Variants in FAT3 observed in about 807,000 individuals in gnomAD.
FAT3 encodes protocadherin Fat 3.
In FAT3, 95 loss-of-function variants were observed where a neutral mutation model predicts 310.2. The ratio of observed to expected loss-of-function variants is 0.31; its 90% CI spans 0.26 to 0.36. The LOEUF is 0.36. Ranked by LOEUF, FAT3 falls within the 10% of genes least tolerant of loss-of-function variation. The pLI is 1.00. For missense variants in FAT3, 5,408 were observed against 5,715.6 expected (o/e 0.95, Z 1.74); for synonymous variants, 2,314 against 2,192.9 (o/e 1.06, Z -1.54).
intron 2 of FAT3, among the ~76,000 whole-genome samples, chr11:92,370,234 C>T (rs1017949340): frequency 1.3e-5 from 2 of 152,098 alleles, no homozygotes; most frequent in Non-Finnish European, 2.9e-5. Context: ...CCATAATTTC[C>T]ATCCCTGTGG....
At chr11:92,566,557 CA>C (rs1452392104) in intron 3 of FAT3, among the ~76,000 whole-genome samples, 4 of 151,882 alleles carry the variant, frequency 2.6e-5, no homozygotes, top group South Asian at 4.2e-4. Flanking sequence ...CATATGGAAC[CA>C]AAAAAGAGCC....
rs376868441 is a variant in FAT3, at chr11:92,831,710, G to A, written c.9570G>A (p.Glu3190=). Residue 3190 remains glutamate (E), a synonymous_variant, in exon 14 of 28, where the codon GAG becomes GAA. Coordinates refer to ENST00000525166, the MANE Select transcript of FAT3 (RefSeq NM_001367949.2). ...IDSSSGIIIL[E]QPLDREQQSS... is the part of the protein sequence containing the mutation. ...GCTCATCTGGCATCATCATCCTGGA[G>A]CAGCCACTGGACCGTGAGCAGCAGT... The A allele has an allele frequency of 9.3e-6, 15 of 1,612,862 alleles. No homozygotes were observed. The African/African-American group carries it at 1.1e-4, about 11-fold the overall frequency.
At position 92,792,888 on chromosome 11, in the gene FAT3, C is replaced by T. The variant is rs750594228; in HGVS notation, c.4733C>T (p.Ser1578Phe). ...NPLYEASVFE[S>F]AALGSAVLQV... ...CTGTATGAAGCGTCTGTGTTTGAAT[C>T]TGCTGCTCTGGGATCAGCTGTTCTG... Residue 1578 changes from serine to phenylalanine, a missense_variant, in exon 9 of 28, where the codon TCT (serine) becomes TTT (phenylalanine). Ser to Phe is a radical substitution (Grantham distance 155). Around this residue, in one of 5 missense-constraint regions of FAT3, gnomAD observed 4,588 missense variants for 4,809.8 expected, o/e 0.95. Transcript: ENST00000525166. The T allele has an allele frequency of 3.1e-6, 5 of 1,613,850 alleles. No homozygotes were observed. The highest frequency in any genetic ancestry group is 4.2e-6 in the Non-Finnish European group (5 of 1,179,802).
chr11:92,605,331 T>C (rs569447228), intron 3 of FAT3, among the ~76,000 whole-genome samples: 1 of 152,328 alleles, frequency 6.6e-6, no homozygotes, highest in East Asian at 1.9e-4. Flanking sequence ...TCACCCTGGA[T>C]GACGATCCTT....
intron 7 of FAT3, among the ~76,000 whole-genome samples, chr11:92,780,076 C>G (rs1358586384): frequency 1.3e-5 from 2 of 152,018 alleles, no homozygotes; most frequent in Non-Finnish European, 2.9e-5. Context: ...CCATGCCAAC[C>G]CTTGATTTCG....
At chr11:92,817,310 A>G (rs971321596) in intron 13 of FAT3, among the ~76,000 whole-genome samples, 1 of 152,230 alleles carries the variant, frequency 6.6e-6, no homozygotes, top group Non-Finnish European at 1.5e-5. Context: ...AGTGGTCCCA[A>G]TCAGTAAATT....
At chr11:92,435,775 C>T (rs1049971055) in intron 2 of FAT3, among the ~76,000 whole-genome samples, 30 of 151,946 alleles carry the variant, frequency 2.0e-4, no homozygotes, top group Non-Finnish European at 2.9e-5. Flanking sequence ...CTGTGTTGGC[C>T]AAGCTGGTCT....
chr11:92,756,985 C>T (rs529805024), intron 4 of FAT3, among the ~76,000 whole-genome samples: 7 of 135,546 alleles, frequency 5.2e-5, no homozygotes, highest in Middle Eastern at 4.4e-3. Context: ...AGTGCAGTGG[C>T]GCGATCTCAG....
chr11:92,410,902 G>A (rs889181082), intron 2 of FAT3, among the ~76,000 whole-genome samples: 1 of 151,240 alleles, frequency 6.6e-6, no homozygotes, highest in African/African-American at 2.4e-5. Flanking sequence ...AACCTTATGG[G>A]GTGGAAATTT....
At chr11:92,668,013 C>T (rs1565498894) in intron 3 of FAT3, among the ~76,000 whole-genome samples, 1 of 152,180 alleles carries the variant, frequency 6.6e-6, no homozygotes, top group East Asian at 1.9e-4. Context: ...GCCTTGGGCT[C>T]TCCATTAGGA....
chr11:92,264,746 C>G (rs561420180), intron 1 of FAT3, among the ~76,000 whole-genome samples: 1 of 152,264 alleles, frequency 6.6e-6, no homozygotes, highest in South Asian at 2.1e-4. Flanking sequence ...GTCTTTCACT[C>G]CAGGCTCCTT....
At chr11:92,407,241 T>C (rs145427518) in intron 2 of FAT3, among the ~76,000 whole-genome samples, 9 of 152,266 alleles carry the variant, frequency 5.9e-5, no homozygotes, top group Non-Finnish European at 1.0e-4. Context: ...AGTTACGGGA[T>C]ATTTTCGAGA....
At chr11:92,795,218 G>A (rs937551200) in intron 9 of FAT3, among the ~76,000 whole-genome samples, 1 of 152,068 alleles carries the variant, frequency 6.6e-6, no homozygotes, top group Non-Finnish European at 1.5e-5. Flanking sequence ...AGTTGAGTTC[G>A]GGTGAGGGCA....
intron 20 of FAT3, among the ~76,000 whole-genome samples, chr11:92,858,810 T>C (rs1949048186): frequency 6.6e-6 from 1 of 152,154 alleles, no homozygotes. Context: ...GATTGGGGGT[T>C]GGGGGAGGAA....
intron 4 of FAT3, among the ~76,000 whole-genome samples, chr11:92,737,224 C>T (rs902072491): frequency 2.0e-5 from 3 of 152,102 alleles, no homozygotes; most frequent in Non-Finnish European, 4.4e-5. Context: ...AAGTAATCTG[C>T]CTAGTCTGCT....
chr11:92,796,756 G>C (rs1023609487), intron 9 of FAT3, among the ~76,000 whole-genome samples: 2 of 152,198 alleles, frequency 1.3e-5, no homozygotes, highest in African/African-American at 4.8e-5. Flanking sequence ...CTGCCTTTCA[G>C]CTCTGTCACC....
rs1943577723 is a variant in FAT3, at chr11:92,684,627, G to A, written c.3608-12757G>A. On this transcript the variant is annotated intron_variant, in intron 3 of 27. Coordinates refer to ENST00000525166, the MANE Select transcript of FAT3 (RefSeq NM_001367949.2). Reference sequence around the variant, plus strand: ...AGTCGAACAGATCTAGCTACTTAGTGATGTAACACTCAACAAATGATATGT... The same window carrying A: ...AGTCGAACAGATCTAGCTACTTAGTAATGTAACACTCAACAAATGATATGT... Among the ~76,000 whole-genome samples, 2 of 152,102 alleles carry A rather than the reference G, an allele frequency of 1.3e-5. 1 individual carries two copies. The highest frequency in any genetic ancestry group is 4.1e-4 in the South Asian group (2 of 4,822).
intron 2 of FAT3, among the ~76,000 whole-genome samples, chr11:92,364,724 G>A (rs1206490864): frequency 2.0e-5 from 3 of 152,088 alleles, no homozygotes; most frequent in African/African-American, 7.2e-5. Flanking sequence ...ATTAAATTCT[G>A]GGCATTGGTA....
In FAT3 at chr11:92,282,533, A is replaced by C. The variant is rs373523724; in HGVS notation, c.-18+57359A>C. ...GTACAAAATCAGCTGGGTGTGGTGG[A>C]GCATGCCTGTAATCCCAGCTACTCG... On this transcript the variant is annotated intron_variant, in intron 1 of 27. Transcript: ENST00000525166. Among the ~76,000 whole-genome samples, 64 of 151,962 alleles carry C rather than the reference A, an allele frequency of 4.2e-4. 1 individual carries two copies. Among genetic ancestry groups the C allele is most frequent in the Middle Eastern group, 6.8e-3 (2 of 294 alleles).
Sources: allele counts gnomAD v4.1 joint callset (sites outside exome capture counted in the v4.1 genomes callset), GRCh38; gene constraint gnomAD v4.1.1; regional missense constraint gnomAD v4.1.1; transcripts MANE v1.5; gene names NCBI Gene and HGNC (gene_info 2026-07-23, HGNC 2026-07-21).